The following FRK variants were observed in gnomAD, a reference collection of about 807,000 sequenced individuals.
FRK encodes tyrosine-protein kinase FRK.
Under a neutral mutation model 56.4 loss-of-function variants are expected in FRK, and 51 were observed. The ratio of observed to expected loss-of-function variants is 0.90; its 90% confidence interval spans 0.72 to 1.14. The LOEUF is 1.14. FRK is among the 50% of genes most tolerant of loss of function. The probability of loss-of-function intolerance (pLI) is 0.00; values close to 1 mark genes in which losing one functional copy is unlikely to be tolerated. For missense variants in FRK, 570 were observed against 601.4 expected (o/e 0.95, Z 0.55); for synonymous variants, 245 against 217.9 (o/e 1.12, Z -1.10).
chr6:116,067,375 T>C, the FRK span, among the ~76,000 whole-genome samples: 1 of 151,288 alleles, frequency 6.6e-6, no homozygotes, highest in East Asian at 1.9e-4. Context: ...ATTTTTATTT[T>C]TATTTTCATT....
chr6:116,019,938 C>T (rs1775803011), intron 1 of FRK, among the ~76,000 whole-genome samples: 1 of 152,116 alleles, frequency 6.6e-6, no homozygotes, highest in Non-Finnish European at 1.5e-5. Flanking sequence ...TAGAGGTAGG[C>T]TTGGTTGCAT....
chr6:116,095,844 G>T, the FRK span, among the ~76,000 whole-genome samples: 3 of 152,208 alleles, frequency 2.0e-5, no homozygotes, highest in Admixed American at 2.0e-4. Context: ...CAGCTTCTTA[G>T]GGGAAGAGTG....
chr6:115,970,255 T>C (rs1447421614), intron 2 of FRK, among the ~76,000 whole-genome samples: 1 of 152,190 alleles, frequency 6.6e-6, no homozygotes, highest in Admixed American at 6.5e-5. Context: ...TTACCACCAC[T>C]CTGGAAAACT....
chr6:115,986,974 A>T (rs1193142689), intron 2 of FRK, among the ~76,000 whole-genome samples: 15 of 152,096 alleles, frequency 9.9e-5, no homozygotes, highest in Non-Finnish European at 2.9e-5. Flanking sequence ...CTGAAGCTAC[A>T]TCACAAATTC....
intron 1 of FRK, among the ~76,000 whole-genome samples, chr6:116,047,832 A>T (rs1777035304): frequency 1.3e-5 from 2 of 152,218 alleles, no homozygotes; most frequent in African/African-American, 4.8e-5. Context: ...TCCAATGTGC[A>T]AGTGCTTTTT....
intron 1 of FRK, among the ~76,000 whole-genome samples, chr6:116,022,951 G>A (rs958973086): frequency 1.3e-5 from 2 of 152,066 alleles, no homozygotes; most frequent in African/African-American, 4.8e-5. Flanking sequence ...CAACAAAAAC[G>A]AACTCCAAGT....
chr6:116,026,862 G>A (rs1407142649), intron 1 of FRK, among the ~76,000 whole-genome samples: 2 of 152,090 alleles, frequency 1.3e-5, no homozygotes, highest in African/African-American at 2.4e-5. Context: ...ATACCAAAAC[G>A]GGGCAAACTG....
At position 116,060,378 on chromosome 6, in the gene FRK, A is replaced by G; in HGVS notation, c.-67T>C. 1 of 1,298,798 alleles carries G rather than the reference A, an allele frequency of 7.7e-7. No individual in the cohort carries two copies. Among genetic ancestry groups the G allele is most frequent in the Non-Finnish European group, 1.1e-6 (1 of 928,920 alleles). The allele number at this position is 1,298,798 out of a possible 1,614,324, so 80.5% of individuals were successfully genotyped here. Reference sequence around the variant, plus strand: ...CCCCTTAGTCTCTGCGATCCACCTTATCTTCCTTCACCAGGCAACTTTGAA... The same window carrying G: ...CCCCTTAGTCTCTGCGATCCACCTTGTCTTCCTTCACCAGGCAACTTTGAA... On this transcript the variant is annotated 5_prime_UTR_variant, in exon 1 of 8. Transcript: ENST00000606080.
intron 1 of FRK, among the ~76,000 whole-genome samples, chr6:116,028,254 A>G (rs191965103): frequency 3.9e-4 from 59 of 152,300 alleles, no homozygotes; most frequent in Non-Finnish European, 6.8e-4. Flanking sequence ...AAAATTTCCT[A>G]TACTAATAAA....
At chr6:115,966,063 A>G (rs1391176458) in intron 4 of FRK, among the ~76,000 whole-genome samples, 1 of 12,926 alleles carries the variant, frequency 7.7e-5, no homozygotes, top group South Asian at 0.011. Flanking sequence ...AAAAAAAATT[A>G]AAAAAAAAAA....
At chr6:116,081,328 A>G in the FRK span, among the ~76,000 whole-genome samples, 2 of 152,158 alleles carry the variant, frequency 1.3e-5, no homozygotes, top group African/African-American at 4.8e-5. Context: ...TTTATGATAT[A>G]CATTCTGTTT....
rs886810533 is a variant in FRK at position 116,054,484 on chromosome 6, A to G, written c.344+5484T>C. Among the ~76,000 whole-genome samples the G allele has an allele frequency of 3.1e-4, 44 of 142,964 alleles. No homozygotes were observed. In the East Asian group the frequency reaches 7.1e-3, roughly 23 times the overall value. 93.8% of individuals were successfully genotyped at this position (142,964 alleles called of 152,430 possible). A position where few individuals can be genotyped will look rare whatever the true frequency, so the allele number is the denominator to read the frequency against. ...ATATAATATAATATATATAATATATAATAGTATATTATACTATTATAATAT... is the reference window on the plus strand; with the variant it reads ...ATATAATATAATATATATAATATATGATAGTATATTATACTATTATAATAT... On this transcript the variant is annotated intron_variant, in intron 1 of 7. Transcript: ENST00000606080.
At chr6:115,975,701 T>C (rs1317042771) in intron 2 of FRK, among the ~76,000 whole-genome samples, 2 of 152,142 alleles carry the variant, frequency 1.3e-5, no homozygotes, top group African/African-American at 2.4e-5. Context: ...CTGCAAAAAA[T>C]ATATAAGATT....
chr6:116,057,393 C>T (rs1777441349), intron 1 of FRK, among the ~76,000 whole-genome samples: 1 of 152,194 alleles, frequency 6.6e-6, no homozygotes, highest in Non-Finnish European at 1.5e-5. Context: ...CTTGGACACA[C>T]TCACGCAGAA....
intron 2 of FRK, among the ~76,000 whole-genome samples, chr6:115,991,406 T>C (rs541101262): frequency 3.0e-4 from 45 of 152,032 alleles, no homozygotes; most frequent in Admixed American, 2.9e-3. Flanking sequence ...TGGCTGTGGG[T>C]TTATCATCTA....
At chr6:116,042,941 T>C (rs1218794274) in intron 1 of FRK, among the ~76,000 whole-genome samples, 3 of 150,732 alleles carry the variant, frequency 2.0e-5, no homozygotes, top group Admixed American at 6.6e-5. Context: ...GCAATCCTAG[T>C]CTCTGATAAG....
chr6:116,039,011 C>T, intron 1 of FRK: 2 of 732,068 alleles, frequency 2.7e-6, no homozygotes, highest in South Asian at 2.7e-5. Flanking sequence ...TCAAAGACTG[C>T]AAAGCCAATC....
upstream of FRK, among the ~76,000 whole-genome samples, chr6:116,061,940 AAAGAAAGG>A (rs1466181311): frequency 1.3e-5 from 2 of 150,430 alleles, no homozygotes; most frequent in Non-Finnish European, 3.0e-5. Context: ...AAAAAGGAAG[AAAGAAAGG>A]AAGAAAGAAA....
At chr6:116,061,357 CCA>C (rs1358960987), upstream of FRK, among the ~76,000 whole-genome samples, 2 of 150,290 alleles carry the variant, frequency 1.3e-5, no homozygotes, top group African/African-American at 4.9e-5. Flanking sequence ...TTGCTTTTTC[CCA>C]CAGACATTTA....
Sources: allele counts gnomAD v4.1 joint callset (sites outside exome capture counted in the v4.1 genomes callset), GRCh38; gene constraint gnomAD v4.1.1; transcripts MANE v1.5; gene names NCBI Gene and HGNC (gene_info 2026-07-23, HGNC 2026-07-21).